The following SLC2A13 variants were observed in gnomAD, a reference collection of about 807,000 sequenced individuals.
SLC2A13 encodes the protein proton myo-inositol cotransporter.
In SLC2A13, 32 loss-of-function variants were observed where a neutral mutation model predicts 64.4. The observed-to-expected ratio is 0.50, with a 90% CI of 0.37 to 0.67. SLC2A13 has a LOEUF of 0.67. Among genes scored for constraint, SLC2A13 ranks in the 30% least tolerant of loss-of-function variants. The pLI, the probability that SLC2A13 is intolerant of heterozygous loss-of-function variation, is 0.00. For missense variants in SLC2A13, 743 were observed against 829.2 expected (o/e 0.90, Z 1.28); for synonymous variants, 338 against 327.1 (o/e 1.03, Z -0.36).
In SLC2A13 at chr12:39,871,234, G is replaced by A. The variant is rs188880136; in HGVS notation, c.1198+564C>T. 3.0e-3 allele frequency among the ~76,000 whole-genome samples: 462 copies of A among 152,194 alleles called. 2 individuals are homozygous for A. Among genetic ancestry groups the A allele is most frequent in the Non-Finnish European group, 5.2e-3 (355 of 67,988 alleles). On this transcript the variant is annotated intron_variant, in intron 5 of 9. Transcript: ENST00000280871. ...AAAGATACTTGGGAATTAAAAAAAAGGTTTTGCTTTATTTTGCTATCATAG... is the reference window on the plus strand; with the variant it reads ...AAAGATACTTGGGAATTAAAAAAAAAGTTTTGCTTTATTTTGCTATCATAG...
At chr12:40,068,888 A>G (rs901210104) in intron 1 of SLC2A13, among the ~76,000 whole-genome samples, 10 of 152,096 alleles carry the variant, frequency 6.6e-5, no homozygotes, top group Non-Finnish European at 1.2e-4. Context: ...ATATGGCCCA[A>G]AAACAAGTCA....
intron 4 of SLC2A13, among the ~76,000 whole-genome samples, chr12:39,878,899 C>G (rs1944267220): frequency 6.6e-6 from 1 of 152,232 alleles, no homozygotes; most frequent in Admixed American, 6.5e-5. Flanking sequence ...CTTCCCATCA[C>G]AGGCCCAGAG....
intron 1 of SLC2A13, among the ~76,000 whole-genome samples, chr12:40,080,170 C>T (rs1024421514): frequency 1.4e-5 from 2 of 146,344 alleles, no homozygotes; most frequent in African/African-American, 2.6e-5. Context: ...GTTCTTTGTC[C>T]TTTTTGACCA....
intron 3 of SLC2A13, among the ~76,000 whole-genome samples, chr12:39,963,453 A>T (rs967340866): frequency 6.6e-6 from 1 of 152,202 alleles, no homozygotes; most frequent in African/African-American, 2.4e-5. Context: ...CTTTATATTT[A>T]ACACTCCTAC....
chr12:39,812,460 C>G lies in SLC2A13; in HGVS notation c.1445+17643G>C, dbSNP rs551425658. ...TTTTCTTTCTTCTCTTTCTTTCTTT[C>G]TCCTTTCTTTCTCCCCTTCTCTCTT... On this transcript the variant is annotated intron_variant, in intron 7 of 9. Coordinates refer to ENST00000280871, the MANE Select transcript of SLC2A13 (RefSeq NM_052885.4). Among the ~76,000 whole-genome samples, 5 of 144,484 alleles carry G rather than the reference C, an allele frequency of 3.5e-5. No individual in the cohort carries two copies. The South Asian group carries it at 1.1e-3, about 32-fold the overall frequency. 94.8% of individuals were successfully genotyped at this position (144,484 alleles called of 152,430 possible). A position where few individuals can be genotyped will look rare whatever the true frequency, so the allele number is the denominator to read the frequency against.
chr12:40,081,230 A>G (rs1262838295), intron 1 of SLC2A13, among the ~76,000 whole-genome samples: 1 of 152,114 alleles, frequency 6.6e-6, no homozygotes, highest in Non-Finnish European at 1.5e-5. Flanking sequence ...GAATTTACCA[A>G]ATTTGCATGT....
chr12:40,042,320 C>G (rs960551908), intron 2 of SLC2A13, among the ~76,000 whole-genome samples: 2 of 151,716 alleles, frequency 1.3e-5, no homozygotes, highest in Admixed American at 6.6e-5. Context: ...GTATATATAC[C>G]TATCCCTATT....
intron 2 of SLC2A13, among the ~76,000 whole-genome samples, chr12:40,040,566 T>C (rs1948069364): frequency 6.6e-6 from 1 of 152,114 alleles, no homozygotes. Context: ...AATTTTTCTA[T>C]TTTTTGGTAG....
intron 1 of SLC2A13, among the ~76,000 whole-genome samples, chr12:40,086,056 C>T (rs889922074): frequency 6.6e-6 from 1 of 152,172 alleles, no homozygotes; most frequent in Non-Finnish European, 1.5e-5. Flanking sequence ...TCAGGCTGGT[C>T]TTGAACTCCT....
intron 3 of SLC2A13, among the ~76,000 whole-genome samples, chr12:40,026,771 G>A (rs1947816143): frequency 6.6e-6 from 1 of 152,078 alleles, no homozygotes; most frequent in Non-Finnish European, 1.5e-5. Flanking sequence ...TCAAATGTAT[G>A]AATTACTACA....
intron 4 of SLC2A13, among the ~76,000 whole-genome samples, chr12:39,929,718 G>A (rs1244085918): frequency 6.6e-6 from 1 of 152,158 alleles, no homozygotes; most frequent in Non-Finnish European, 1.5e-5. Flanking sequence ...AGAATCACAG[G>A]ATGGATTATG....
Position 39,784,252 on chromosome 12 carries a change from A to G in SLC2A13, c.1446-19394T>C, listed in dbSNP as rs566335524. Among the ~76,000 whole-genome samples the G allele has an allele frequency of 1.0e-2, 1,522 of 152,328 alleles. 36 individuals carry two copies. Among genetic ancestry groups the G allele is most frequent in the African/African-American group, 0.034 (1,401 of 41,560 alleles). Reference sequence around the variant, plus strand: ...TAAAGTTCATATGGAACCAAAAAAGAGCCCGCATTGCCAAGTCAATCCTAA... The same window carrying G: ...TAAAGTTCATATGGAACCAAAAAAGGGCCCGCATTGCCAAGTCAATCCTAA... On this transcript the variant is annotated intron_variant, in intron 7 of 9. Transcript: ENST00000280871.
intron 4 of SLC2A13, among the ~76,000 whole-genome samples, chr12:39,923,660 GATT>G (rs1304684990): frequency 6.9e-6 from 1 of 144,690 alleles, no homozygotes; most frequent in Non-Finnish European, 1.5e-5. Context: ...AATGTTATGT[GATT>G]ATATGTATAT....
intron 6 of SLC2A13, among the ~76,000 whole-genome samples, chr12:39,840,025 T>G (rs1383469516): frequency 6.6e-6 from 1 of 151,376 alleles, no homozygotes; most frequent in Non-Finnish European, 1.5e-5. Context: ...CTCTCCATTC[T>G]TTTTTTTTGT....
intron 6 of SLC2A13, among the ~76,000 whole-genome samples, chr12:39,857,516 C>T (rs545521617): frequency 9.8e-5 from 15 of 152,296 alleles, no homozygotes; most frequent in African/African-American, 2.2e-4. Flanking sequence ...ATCAAGGTTG[C>T]GTTATTTCTT....
chr12:40,059,604 G>C (rs1339134751), intron 1 of SLC2A13, among the ~76,000 whole-genome samples: 2 of 152,148 alleles, frequency 1.3e-5, no homozygotes, highest in African/African-American at 4.8e-5. Flanking sequence ...TATGGGGAAG[G>C]AGCACGGAGC....
intron 1 of SLC2A13, among the ~76,000 whole-genome samples, chr12:40,063,212 T>A (rs1026943444): frequency 2.6e-5 from 4 of 152,100 alleles, no homozygotes; most frequent in African/African-American, 9.7e-5. Flanking sequence ...ACTAAAAATC[T>A]CCCAGTGAAG....
chr12:39,830,402 G>T, intron 6 of SLC2A13, 174 bp from the exon 7 acceptor site: 4 of 1,342,280 alleles, frequency 3.0e-6, no homozygotes, highest in Non-Finnish European at 3.8e-6. Context: ...GAGCTGGCTG[G>T]TCTCTTCGAT....
rs192962587 is a variant in SLC2A13, at chr12:39,815,288, A to G, written c.1445+14815T>C. Among the ~76,000 whole-genome samples, 344 of 152,358 alleles carry G rather than the reference A, an allele frequency of 2.3e-3. 1 individual carries two copies. Among genetic ancestry groups the G allele is most frequent in the African/African-American group, 7.5e-3 (312 of 41,578 alleles). ...AAGAGAAAACAGAATAAAGCAGAGA[A>G]TACTGTGAGCTGTACTGGATATGGT... On this transcript the variant is annotated intron_variant, in intron 7 of 9. Coordinates refer to ENST00000280871, the MANE Select transcript of SLC2A13 (RefSeq NM_052885.4).
Sources: allele counts gnomAD v4.1 joint callset (sites outside exome capture counted in the v4.1 genomes callset), GRCh38; gene constraint gnomAD v4.1.1; transcripts MANE v1.5; gene names NCBI Gene and HGNC (gene_info 2026-07-23, HGNC 2026-07-21).